The following DCD variants were observed in gnomAD, a reference collection of about 807,000 sequenced individuals.
DCD encodes diffusible survival/evasion peptide.
In DCD, 17 loss-of-function variants were observed where a neutral mutation model predicts 14.5. The ratio of observed to expected loss-of-function variants is 1.18; its 90% CI spans 0.81 to 1.76. The LOEUF (loss-of-function observed/expected upper bound fraction) is 1.76. Among genes scored for constraint, DCD ranks in the 40% most tolerant of loss-of-function variants. The probability of loss-of-function intolerance (pLI) is 0.00; values close to 1 mark genes in which losing one functional copy is unlikely to be tolerated. For synonymous variants in DCD, 64 were observed against 54.0 expected, an observed-to-expected ratio of 1.19 and a Z score of -0.82; for missense variants, 139 against 133.4, an observed-to-expected ratio of 1.04 and a Z score of -0.21.
intron 2 of DCD, chr12:54,646,033 TG>T (rs5798318): frequency 0.22 from 102,389 of 463,254 alleles, 12,475 homozygotes; most frequent in Middle Eastern, 0.34. Context: ...CCCCCTAGTG[TG>T]GGGAGGTTTT....
intron 1 of DCD, 63 bp downstream of exon 1, chr12:54,648,183 T>A: frequency 6.3e-7 from 1 of 1,586,758 alleles, no homozygotes; most frequent in Non-Finnish European, 8.6e-7. Flanking sequence ...GAAGGGGAAA[T>A]GAAGGCAGGG....
chr12:54,646,945 CCTT>C (rs1347066217), intron 2 of DCD, among the ~76,000 whole-genome samples, 173 bp downstream of exon 2: 1 of 152,162 alleles, frequency 6.6e-6, no homozygotes, highest in Non-Finnish European at 1.5e-5. Flanking sequence ...CATGCTCTGT[CCTT>C]CTCCAGTGCA....
At chr12:54,647,734 C>T (rs188304877) in intron 1 of DCD, among the ~76,000 whole-genome samples, 2 of 152,128 alleles carry the variant, frequency 1.3e-5, no homozygotes, top group Non-Finnish European at 2.9e-5. Flanking sequence ...TATTTAATTA[C>T]ATTTGTGATA....
intron 2 of DCD, among the ~76,000 whole-genome samples, chr12:54,646,860 G>T (rs1958265288): frequency 6.6e-6 from 1 of 152,050 alleles, no homozygotes; most frequent in Admixed American, 6.5e-5. Flanking sequence ...TCCTCCTCTT[G>T]CTCAAGAAAA....
chr12:54,646,190 C>T (rs754979670), intron 2 of DCD: 14 of 455,060 alleles, frequency 3.1e-5, no homozygotes, highest in East Asian at 1.4e-4. Context: ...TGGTGTGAAA[C>T]GCTCCAGGGG....
At position 54,648,259 on chromosome 12, in the gene DCD, G is replaced by T. The variant is rs759462379; in HGVS notation, c.45C>A (p.Ala15=). The change falls in exon 1 of 5, where the codon GCC becomes GCA. Residue 15 remains alanine, a synonymous_variant. Coordinates refer to ENST00000293371, the MANE Select transcript of DCD (RefSeq NM_053283.4). ...AGCCATACTCACAGGCACAGACCAG[G>T]GCTCCTGCCAGAGCTGTCAGGAAGA... ...TLLFLTALAG[A]LVCAYDPEAA... 1 of 1,613,958 alleles carries T rather than the reference G, an allele frequency of 6.2e-7. No homozygotes were observed. Among genetic ancestry groups the T allele is most frequent in the Non-Finnish European group, 8.5e-7 (1 of 1,179,992 alleles).
At chr12:54,645,918 C>T in intron 2 of DCD, 3 of 581,848 alleles carry the variant, frequency 5.2e-6, no homozygotes, top group South Asian at 5.1e-5. Flanking sequence ...CCTGCTCCTC[C>T]AGGGCCCTTT....
chr12:54,645,302 A>G, intron 3 of DCD, 40 bp from the exon 4 acceptor site: 1 of 1,582,472 alleles, frequency 6.3e-7, no homozygotes, highest in East Asian at 2.2e-5. Context: ...TAGAAGCAGA[A>G]AAACTACTTC....
At chr12:54,644,956 G>T in intron 4 of DCD, 200 bp from the exon 5 acceptor site, 1 of 1,548,712 alleles carries the variant, frequency 6.5e-7, no homozygotes, top group Non-Finnish European at 8.7e-7. Context: ...ACCTTGGCAG[G>T]GGCAGGGGGC....
chr12:54,645,792 C>T (rs1958255880), intron 2 of DCD, 85 bp from the exon 3 acceptor site: 2 of 1,113,788 alleles, frequency 1.8e-6, no homozygotes, highest in Admixed American at 3.8e-5. Context: ...TTTACCCCCT[C>T]AAGGTCTGGC....
At chr12:54,644,973 A>G in intron 4 of DCD, 200 bp downstream of exon 4, 1 of 1,544,948 alleles carries the variant, frequency 6.5e-7, no homozygotes, top group Non-Finnish European at 8.7e-7. Flanking sequence ...GGGCAAGAGC[A>G]ATAAAAAAAA....
intron 1 of DCD, 59 bp downstream of exon 1, chr12:54,648,187 G>A: frequency 6.3e-7 from 1 of 1,591,902 alleles, no homozygotes; most frequent in East Asian, 2.2e-5. Flanking sequence ...GGGAAATGAA[G>A]GCAGGGCCCA....
rs1592200433 is a variant in DCD at position 54,645,544 on chromosome 12, C to G, written c.199+62G>C. On this transcript the variant is annotated intron_variant, in intron 3 of 4. Coordinates refer to ENST00000293371, the MANE Select transcript of DCD (RefSeq NM_053283.4). ...TTGTGCCTGTGAGGGCAGACTGGCC[C>G]CCAGATATCTTGCTGTTTCATGCAT... 2.1e-5 allele frequency: 31 copies of G among 1,458,916 alleles called. No individual in the cohort carries two copies. In the East Asian group the frequency reaches 7.0e-4, roughly 33 times the overall value. The allele number at this position is 1,458,916 out of a possible 1,614,324, so 90.4% of individuals were successfully genotyped here.
At chr12:54,647,062 A>G in intron 2 of DCD, 59 bp downstream of exon 2, 1 of 1,521,754 alleles carries the variant, frequency 6.6e-7, no homozygotes, top group Non-Finnish European at 8.9e-7. Flanking sequence ...CTCCACTCAT[A>G]TCCCAAGTCA....
intron 1 of DCD, among the ~76,000 whole-genome samples, chr12:54,647,415 C>G (rs1958269722): frequency 6.6e-6 from 1 of 152,214 alleles, no homozygotes; most frequent in African/African-American, 2.4e-5. Context: ...CTCTGACTCT[C>G]TTCTATGTCT....
intron 2 of DCD, chr12:54,645,964 C>G (rs1018290001): frequency 5.8e-6 from 3 of 516,298 alleles, no homozygotes; most frequent in Non-Finnish European, 1.1e-5. Context: ...AAAGTAAAGT[C>G]ATTTTGGCAG....
In DCD at chr12:54,645,182, C is replaced by A; in HGVS notation, c.280G>T (p.Val94Leu). 2 of 1,614,056 alleles carry A rather than the reference C, an allele frequency of 1.2e-6. No homozygotes were observed. Among genetic ancestry groups the A allele is most frequent in the Non-Finnish European group, 1.7e-6 (2 of 1,180,004 alleles). The change falls in exon 4 of 5, where the codon GTG (valine) becomes TTG (leucine). Residue 94 changes from valine to leucine, a missense_variant. By Grantham distance (32) the Val-to-Leu change is conservative. Transcript: ENST00000293371. Reference sequence around the variant, plus strand: ...GGGGACATATACTCACCTTTACCCACGCTTTCTAGATCTTCGACTGCATCT... The same window carrying A: ...GGGGACATATACTCACCTTTACCCAAGCTTTCTAGATCTTCGACTGCATCT... ...GKDAVEDLESVGKGAVHDVKD... is the reference protein window; with the variant it reads ...GKDAVEDLESLGKGAVHDVKD...
At chr12:54,645,143 C>T (rs762667113) in intron 4 of DCD, 30 bp downstream of exon 4, 4 of 1,608,536 alleles carry the variant, frequency 2.5e-6, no homozygotes, top group Admixed American at 1.7e-5. Flanking sequence ...TGAGGCTGGT[C>T]CTGAGGGAGG....
Position 54,644,753 on chromosome 12 carries a change from G to T in DCD, c.293C>A (p.Ala98Asp). The T allele has an allele frequency of 6.2e-7, 1 of 1,606,300 alleles. No individual in the cohort carries two copies. The highest frequency in any genetic ancestry group is 1.7e-5 in the Admixed American group (1 of 59,424). The change falls in exon 5 of 5, where the codon GCC becomes GAC. Residue 98 changes from alanine (A) to aspartate (D), a missense_variant. Physicochemically the swap from Ala to Asp is moderately radical, Grantham distance 126. Coordinates refer to ENST00000293371, the MANE Select transcript of DCD (RefSeq NM_053283.4). ...AAGGACGTCTTTAACGTCATGGACG[G>T]CTCCTAGGACAGCCACAGAAAAAAA... ...VEDLESVGKG[A>D]VHDVKDVLDS... is the part of the protein sequence containing the mutation.
Sources: allele counts gnomAD v4.1 joint callset (sites outside exome capture counted in the v4.1 genomes callset), GRCh38; gene constraint gnomAD v4.1.1; transcripts MANE v1.5; gene names NCBI Gene and HGNC (gene_info 2026-07-23, HGNC 2026-07-21).